Variants in PDZRN3 observed in about 807,000 individuals in gnomAD.
PDZRN3 encodes the protein E3 ubiquitin-protein ligase PDZRN3.
PDZRN3 carries 38 observed loss-of-function variants against 85.7 expected under a neutral mutation model. The observed-to-expected ratio is 0.44, with a 90% confidence interval of 0.34 to 0.58. PDZRN3 has a LOEUF of 0.58. PDZRN3 is among the 20% of genes least tolerant of loss of function. The pLI is 0.01. For synonymous variants in PDZRN3, 759 were observed against 638.0 expected, an observed-to-expected ratio of 1.19 and a Z score of -2.86; for missense variants, 1,629 against 1,506.4, an observed-to-expected ratio of 1.08 and a Z score of -1.35.
At chr3:73,485,802 G>A (rs546520527) in intron 3 of PDZRN3, among the ~76,000 whole-genome samples, 4 of 152,312 alleles carry the variant, frequency 2.6e-5, no homozygotes, top group Admixed American at 2.6e-4. Context: ...ATATGTGTTA[G>A]CCTATCCATC....
intron 3 of PDZRN3, among the ~76,000 whole-genome samples, chr3:73,537,190 AT>A (rs2106770356): frequency 6.6e-6 from 1 of 152,058 alleles, no homozygotes; most frequent in East Asian, 1.9e-4. Flanking sequence ...CCCCATAAAA[AT>A]CTCCCCTGTT....
intron 3 of PDZRN3, among the ~76,000 whole-genome samples, chr3:73,595,913 G>A (rs1016914120): frequency 6.6e-6 from 1 of 152,148 alleles, no homozygotes; most frequent in Non-Finnish European, 1.5e-5. Flanking sequence ...AGCTCTATCT[G>A]CTGAAGGTGC....
intron 3 of PDZRN3, among the ~76,000 whole-genome samples, chr3:73,424,291 G>C (rs1277098406): frequency 6.7e-6 from 1 of 149,240 alleles, no homozygotes; most frequent in Non-Finnish European, 1.5e-5. Flanking sequence ...CAGCACTTTG[G>C]GAGGCCAAGG....
At chr3:73,428,792 C>A (rs1186955736) in intron 3 of PDZRN3, among the ~76,000 whole-genome samples, 3 of 151,942 alleles carry the variant, frequency 2.0e-5, no homozygotes, top group Non-Finnish European at 2.9e-5. Flanking sequence ...CAGTTAGTGA[C>A]AAATAACGGC....
intron 3 of PDZRN3, among the ~76,000 whole-genome samples, chr3:73,527,653 G>C (rs901249869): frequency 6.6e-6 from 1 of 152,024 alleles, no homozygotes; most frequent in Admixed American, 6.6e-5. Context: ...AGTTGTTTCA[G>C]GGAAAGTGGC....
At chr3:73,398,623 G>T (rs1358176200) in intron 5 of PDZRN3, among the ~76,000 whole-genome samples, 1 of 152,230 alleles carries the variant, frequency 6.6e-6, no homozygotes, top group Non-Finnish European at 1.5e-5. Context: ...AAAGCAGGAT[G>T]CTCTCAGGTG....
intron 3 of PDZRN3, among the ~76,000 whole-genome samples, chr3:73,480,164 C>G (rs1157571050): frequency 6.6e-6 from 1 of 152,198 alleles, no homozygotes; most frequent in African/African-American, 2.4e-5. Context: ...GACTACCTGT[C>G]AGAGAATGCC....
chr3:73,484,391 A>C (rs115160171), intron 3 of PDZRN3, among the ~76,000 whole-genome samples: 1,908 of 152,140 alleles, frequency 0.013, 42 homozygotes, highest in African/African-American at 0.044. Context: ...CAGAGTGGTG[A>C]GGTCAGAGGA....
At chr3:73,461,122 AT>A (rs1703094602) in intron 3 of PDZRN3, among the ~76,000 whole-genome samples, 1 of 152,112 alleles carries the variant, frequency 6.6e-6, no homozygotes, top group African/African-American at 2.4e-5. Flanking sequence ...GCTATTATTC[AT>A]TGTAGTGGAA....
At chr3:73,520,019 T>C (rs1030897315) in intron 3 of PDZRN3, among the ~76,000 whole-genome samples, 2 of 152,012 alleles carry the variant, frequency 1.3e-5, no homozygotes, top group Non-Finnish European at 2.9e-5. Flanking sequence ...AAAACCTGCA[T>C]CCCATCCATA....
chr3:73,421,194 C>A (rs569408647), intron 3 of PDZRN3, among the ~76,000 whole-genome samples: 5 of 152,262 alleles, frequency 3.3e-5, no homozygotes, highest in Admixed American at 2.6e-4. Context: ...CTGTGCCATA[C>A]GGGTTCCAGA....
At position 73,613,494 on chromosome 3, in the gene PDZRN3, G is replaced by A. The variant is rs1415753334; in HGVS notation, c.724-4810C>T. Among the ~76,000 whole-genome samples, 8 of 152,228 alleles carry A rather than the reference G, an allele frequency of 5.3e-5. No homozygotes were observed. In the East Asian group the frequency reaches 1.5e-3, roughly 29 times the overall value. On this transcript the variant is annotated intron_variant, in intron 1 of 9. Coordinates refer to ENST00000263666, the MANE Select transcript of PDZRN3 (RefSeq NM_015009.3). ...GAGCTGGGGAGTCTGGGAGTACAGG[G>A]TACTTGGGGATTGCTACACACTACA...
intron 3 of PDZRN3, among the ~76,000 whole-genome samples, chr3:73,520,357 A>T (rs1185292677): frequency 6.6e-6 from 1 of 152,044 alleles, no homozygotes; most frequent in Admixed American, 6.6e-5. Flanking sequence ...ATGAAAAAAT[A>T]GCTGGGTGTG....
chr3:73,506,772 G>A (rs1338680482), intron 3 of PDZRN3, among the ~76,000 whole-genome samples: 1 of 152,048 alleles, frequency 6.6e-6, no homozygotes. Context: ...CAGGCACGGT[G>A]GCTCATGCCT....
chr3:73,540,545 C>G (rs1472662251), intron 3 of PDZRN3, among the ~76,000 whole-genome samples: 1 of 152,110 alleles, frequency 6.6e-6, no homozygotes, highest in Non-Finnish European at 1.5e-5. Context: ...GGGCGGTTAC[C>G]CTCATGCTGC....
At chr3:73,496,456 T>C (rs1437365463) in intron 3 of PDZRN3, among the ~76,000 whole-genome samples, 2 of 152,114 alleles carry the variant, frequency 1.3e-5, no homozygotes, top group African/African-American at 4.8e-5. Context: ...TCTTGTTTCA[T>C]ATGTCAACTC....
At chr3:73,618,985 A>G (rs532937022) in intron 1 of PDZRN3, among the ~76,000 whole-genome samples, 1 of 152,338 alleles carries the variant, frequency 6.6e-6, no homozygotes, top group East Asian at 1.9e-4. Context: ...GTGTTTGGAC[A>G]TCTGGAACAC....
At position 73,484,746 on chromosome 3, in the gene PDZRN3, C is replaced by T. The variant is rs9813455; in HGVS notation, c.919-80351G>A. Among the ~76,000 whole-genome samples the T allele has an allele frequency of 1.3e-3, 196 of 152,290 alleles. 1 individual carries two copies. Among genetic ancestry groups the T allele is most frequent in the African/African-American group, 4.5e-3 (188 of 41,568 alleles). On this transcript the variant is annotated intron_variant, in intron 3 of 9. Transcript: ENST00000263666. ...CTACAGACCAGCAGCACCAGCAACACCCATGAGCTTCTTAGAAATTCAGAA... is the reference window on the plus strand; with the variant it reads ...CTACAGACCAGCAGCACCAGCAACATCCATGAGCTTCTTAGAAATTCAGAA...
At chr3:73,566,855 G>A (rs1049861157) in intron 3 of PDZRN3, among the ~76,000 whole-genome samples, 3 of 152,168 alleles carry the variant, frequency 2.0e-5, no homozygotes, top group African/African-American at 7.2e-5. Flanking sequence ...GCCTGAATCT[G>A]TGGCAGCCAT....
Sources: gnomAD v4.1 joint callset for allele counts (sites outside exome capture counted in the v4.1 genomes callset) on GRCh38, gnomAD v4.1.1 for gene constraint, MANE v1.5 for transcripts, NCBI Gene and HGNC (gene_info 2026-07-23, HGNC 2026-07-21) for gene names.